The following NCOA2 variants were observed in gnomAD, a reference collection of about 807,000 sequenced individuals.
The protein encoded by NCOA2 is nuclear receptor coactivator 2.
Under a neutral mutation model 145.1 loss-of-function variants are expected in NCOA2, and 21 were observed. That is an observed-to-expected ratio of 0.14 (90% confidence interval 0.10 to 0.21). The LOEUF (loss-of-function observed/expected upper bound fraction) is 0.21, where lower values mean the gene tolerates loss of function less well. Among genes scored for constraint, NCOA2 ranks in the 10% least tolerant of loss-of-function variants. NCOA2 has a pLI of 1.00. For missense variants in NCOA2, 1,472 were observed against 1,837.6 expected, an observed-to-expected ratio of 0.80 and a Z score of 3.64; for synonymous variants, 619 against 637.5, an observed-to-expected ratio of 0.97 and a Z score of 0.44.
intron 13 of NCOA2, among the ~76,000 whole-genome samples, chr8:70,141,694 T>C (rs1207062089): frequency 6.6e-6 from 1 of 152,188 alleles, no homozygotes; most frequent in African/African-American, 2.4e-5. Flanking sequence ...CCCAACTTCC[T>C]TCCTCAGGAA....
At chr8:70,290,678 T>C (rs1803965941) in intron 2 of NCOA2, among the ~76,000 whole-genome samples, 2 of 152,170 alleles carry the variant, frequency 1.3e-5, no homozygotes, top group South Asian at 4.1e-4. Flanking sequence ...ACCTATATCC[T>C]AATGCTAAAG....
chr8:70,360,124 T>G (rs1431117956), intron 1 of NCOA2, among the ~76,000 whole-genome samples: 1 of 152,176 alleles, frequency 6.6e-6, no homozygotes, highest in Non-Finnish European at 1.5e-5. Context: ...TTAAGCTAAT[T>G]TATAAGTAAT....
At chr8:70,403,221 C>A (rs1372878309) in intron 1 of NCOA2, among the ~76,000 whole-genome samples, 2 of 151,442 alleles carry the variant, frequency 1.3e-5, no homozygotes, top group Non-Finnish European at 3.0e-5. Flanking sequence ...CCGCGCTGCC[C>A]CCGAGGGGTT....
chr8:70,454,024 T>C, the NCOA2 span, among the ~76,000 whole-genome samples: 2 of 152,226 alleles, frequency 1.3e-5, no homozygotes, highest in South Asian at 4.1e-4. Flanking sequence ...GACAAACTCT[T>C]AAGGATTTTC....
At position 70,111,290 on chromosome 8, in the gene NCOA2, A is replaced by T. The variant is rs1806517599; in HGVS notation, c.*2342T>A. 1 of 226,574 alleles carries T rather than the reference A, an allele frequency of 4.4e-6. No individual in the cohort carries two copies. Among genetic ancestry groups the T allele is most frequent in the Non-Finnish European group, 8.8e-6 (1 of 113,988 alleles). 14.0% of individuals were successfully genotyped at this position (226,574 alleles called of 1,614,324 possible). ...TAGTTTTGGACGGTGTTGTAGTGAAAAGGGACTTGAAACTCAAAACAAAAC... is the reference window on the plus strand; with the variant it reads ...TAGTTTTGGACGGTGTTGTAGTGAATAGGGACTTGAAACTCAAAACAAAAC... On this transcript the variant is annotated 3_prime_UTR_variant, in exon 23 of 23. Transcript: ENST00000452400.
At chr8:70,260,376 A>C (rs1050021489) in intron 2 of NCOA2, among the ~76,000 whole-genome samples, 1 of 151,452 alleles carries the variant, frequency 6.6e-6, no homozygotes, top group Non-Finnish European at 1.5e-5. Context: ...CAAGCAATCC[A>C]CCCGCCTCAG....
chr8:70,314,286 G>T (rs757527321), intron 1 of NCOA2, among the ~76,000 whole-genome samples: 1 of 149,652 alleles, frequency 6.7e-6, no homozygotes, highest in Non-Finnish European at 1.5e-5. Flanking sequence ...ACTCATAAAG[G>T]CATCAAAGTA....
At chr8:70,175,600 T>C (rs1308502726) in intron 4 of NCOA2, among the ~76,000 whole-genome samples, 1 of 152,236 alleles carries the variant, frequency 6.6e-6, no homozygotes, top group Non-Finnish European at 1.5e-5. Context: ...GAGAATGTTT[T>C]GTGAAAAAGC....
intron 4 of NCOA2, among the ~76,000 whole-genome samples, chr8:70,193,885 T>G (rs567518836): frequency 6.6e-6 from 1 of 152,174 alleles, no homozygotes; most frequent in African/African-American, 2.4e-5. Flanking sequence ...TGGTGTTAAC[T>G]GGCAGTGGAA....
chr8:70,408,020 A>G (rs755335216), upstream of NCOA2, among the ~76,000 whole-genome samples: 7 of 151,856 alleles, frequency 4.6e-5, no homozygotes, highest in Non-Finnish European at 1.0e-4. Context: ...CTCTATTCAT[A>G]CCTCCCTTAT....
At chr8:70,445,974 C>T in the NCOA2 span, among the ~76,000 whole-genome samples, 1 of 152,066 alleles carries the variant, frequency 6.6e-6, no homozygotes, top group African/African-American at 2.4e-5. Flanking sequence ...GTTCTTCCTG[C>T]CCTTCCCATG....
At chr8:70,342,892 A>AT (rs1808280289) in intron 1 of NCOA2, among the ~76,000 whole-genome samples, 1 of 151,794 alleles carries the variant, frequency 6.6e-6, no homozygotes, top group African/African-American at 2.4e-5. Flanking sequence ...TGTAAGGTAG[A>AT]TTCCAAATAT....
chr8:70,403,845 C>CT, upstream of NCOA2: 1 of 391,622 alleles, frequency 2.6e-6, no homozygotes, highest in African/African-American at 2.2e-5. Flanking sequence ...CCTCCCCCAA[C>CT]TCCCTCCTCC....
chr8:70,203,060 C>G (rs1307800667), intron 4 of NCOA2, among the ~76,000 whole-genome samples: 3 of 151,964 alleles, frequency 2.0e-5, no homozygotes, highest in Non-Finnish European at 2.9e-5. Context: ...GTCAAAAGAT[C>G]GAGACCATTC....
At chr8:70,217,110 C>T (rs1819695721) in intron 2 of NCOA2, among the ~76,000 whole-genome samples, 1 of 152,164 alleles carries the variant, frequency 6.6e-6, no homozygotes, top group South Asian at 2.1e-4. Flanking sequence ...TGATCTTGCA[C>T]CATGTGGAAA....
the NCOA2 span, among the ~76,000 whole-genome samples, chr8:70,439,892 C>A: frequency 6.6e-6 from 1 of 152,200 alleles, no homozygotes; most frequent in African/African-American, 2.4e-5. Context: ...CCACCTATAC[C>A]AATTTTCCCT....
At chr8:70,220,196 A>G (rs1820021142) in intron 2 of NCOA2, among the ~76,000 whole-genome samples, 2 of 152,230 alleles carry the variant, frequency 1.3e-5, no homozygotes, top group African/African-American at 4.8e-5. Context: ...TCATTTGGTG[A>G]CCAGCTCTAA....
At chr8:70,263,882 AT>A (rs1264697839) in intron 2 of NCOA2, among the ~76,000 whole-genome samples, 2 of 152,138 alleles carry the variant, frequency 1.3e-5, no homozygotes, top group African/African-American at 2.4e-5. Flanking sequence ...GTGAAATACC[AT>A]TTCATACCCC....
intron 22 of NCOA2, among the ~76,000 whole-genome samples, chr8:70,118,649 A>G (rs938942536): frequency 3.9e-5 from 6 of 152,098 alleles, no homozygotes; most frequent in South Asian, 4.1e-4. Context: ...TTTGGGAGGA[A>G]ACTGAACAAC....
Sources: gnomAD v4.1 joint callset for allele counts (sites outside exome capture counted in the v4.1 genomes callset) on GRCh38, gnomAD v4.1.1 for gene constraint, MANE v1.5 for transcripts, NCBI Gene and HGNC (gene_info 2026-07-23, HGNC 2026-07-21) for gene names.